The following ICE1 variants were observed in gnomAD, a reference collection of about 807,000 sequenced individuals.
ICE1 encodes little elongation complex subunit 1.
Under a neutral mutation model 192.7 loss-of-function variants are expected in ICE1, and 64 were observed. The ratio of observed to expected loss-of-function variants is 0.33; its 90% CI spans 0.27 to 0.41. The LOEUF (loss-of-function observed/expected upper bound fraction) is 0.41. Ranked by LOEUF, ICE1 falls within the 10% of genes least tolerant of loss-of-function variation. The pLI, the probability that ICE1 is intolerant of heterozygous loss-of-function variation, is 1.00. For synonymous variants in ICE1, 1,010 were observed against 984.5 expected, an observed-to-expected ratio of 1.03 and a Z score of -0.49; for missense variants, 2,708 against 2,696.0, an observed-to-expected ratio of 1.00 and a Z score of -0.10.
chr5:5,443,123 G>A, intron 5 of ICE1, 45 bp from the exon 6 acceptor site: 4 of 1,129,542 alleles, frequency 3.5e-6, no homozygotes, highest in Non-Finnish European at 5.1e-6. Flanking sequence ...CCAATGGTCA[G>A]TGACTTTCAT....
At chr5:5,452,220 G>T (rs181307077) in intron 10 of ICE1, among the ~76,000 whole-genome samples, 1 of 132,974 alleles carries the variant, frequency 7.5e-6, no homozygotes, top group Non-Finnish European at 1.5e-5. Flanking sequence ...CAGAATAAAT[G>T]CAGAAGAGTA....
Position 5,464,888 on chromosome 5 carries a change from A to G in ICE1, c.5554A>G (p.Thr1852Ala), listed in dbSNP as rs1738936363. The G allele has an allele frequency of 5.0e-6, 8 of 1,613,302 alleles. 1 individual carries two copies. In the South Asian group the frequency reaches 7.7e-5, roughly 16 times the overall value. Residue 1852 changes from threonine to alanine, a missense_variant, in exon 13 of 19, where the codon ACT (threonine) becomes GCT (alanine). Coordinates refer to ENST00000296564, the MANE Select transcript of ICE1 (RefSeq NM_015325.3). The surrounding 1 kb of genome is among the most constrained non-coding windows in gnomAD (Gnocchi z 4.0). ...LRSAKRLRLD[T>A]GSPEPETRGV... is the part of the protein sequence containing the mutation. The stretch of plus-strand genomic sequence containing the variant: ...AAGTGCTAAAAGACTGCGCCTGGAC[A>G]CTGGGTCCCCAGAACCAGAAACCAG...
chr5:5,444,897 A>G (rs751693188), intron 7 of ICE1, among the ~76,000 whole-genome samples: 2 of 152,134 alleles, frequency 1.3e-5, no homozygotes, highest in African/African-American at 2.4e-5. Flanking sequence ...TCAGCTAATA[A>G]CCTTTCAGGA....
chr5:5,489,280 G>A lies in ICE1; in HGVS notation c.6751G>A (p.Val2251Ile). The change falls in exon 19 of 19, where the codon GTC becomes ATC. Residue 2251 changes from valine to isoleucine, a missense_variant. This residue lies in a region of ICE1 where 342 missense variants were observed against 419.3 expected (regional missense o/e 0.82). Coordinates refer to ENST00000296564, the MANE Select transcript of ICE1 (RefSeq NM_015325.3). The part of the protein sequence containing the change: ...EASKSVPSAI[V>I]SCLEEVSALS... ...CTCCAAAAGCGTTCCGTCTGCGATTGTCAGCTGCCTAGAGGAAGTCAGTGC... is the reference window on the plus strand; with the variant it reads ...CTCCAAAAGCGTTCCGTCTGCGATTATCAGCTGCCTAGAGGAAGTCAGTGC... 1 of 1,613,638 alleles carries A rather than the reference G, an allele frequency of 6.2e-7. No homozygotes were observed. Among genetic ancestry groups the A allele is most frequent in the Non-Finnish European group, 8.5e-7 (1 of 1,179,784 alleles).
chr5:5,478,507 G>C (rs997832742), intron 17 of ICE1, among the ~76,000 whole-genome samples: 3 of 152,170 alleles, frequency 2.0e-5, no homozygotes, highest in African/African-American at 7.2e-5. Context: ...AATCAATATC[G>C]TGAAAATAAC....
At position 5,447,475 on chromosome 5, in the gene ICE1, A is replaced by C; in HGVS notation, c.473A>C (p.Lys158Thr). Residue 158 changes from lysine (K) to threonine (T), a missense_variant, in exon 8 of 19, where the codon AAG becomes ACG. This residue lies in a region of ICE1 where 2,366 missense variants were observed against 2,276.6 expected (regional missense o/e 1.04). Coordinates refer to ENST00000296564, the MANE Select transcript of ICE1 (RefSeq NM_015325.3). ...GACTTCAAGCAACTGAGAAATGAAAAGAAAATACTTGAAAAGGAATTTAAG... is the reference window on the plus strand; with the variant it reads ...GACTTCAAGCAACTGAGAAATGAAACGAAAATACTTGAAAAGGAATTTAAG... Reference protein sequence around the residue: ...TQDFKQLRNEKKILEKEFKKT... With the variant: ...TQDFKQLRNETKILEKEFKKT... The C allele has an allele frequency of 6.4e-7, 1 of 1,552,802 alleles. No homozygotes were observed. Among genetic ancestry groups the C allele is most frequent in the South Asian group, 1.2e-5 (1 of 84,070 alleles).
intron 12 of ICE1, among the ~76,000 whole-genome samples, chr5:5,459,170 G>A (rs1738680743): frequency 6.6e-6 from 1 of 152,180 alleles, no homozygotes; most frequent in African/African-American, 2.4e-5. Context: ...ACCGCGCCTG[G>A]CCACAGCTCA....
intron 3 of ICE1, among the ~76,000 whole-genome samples, chr5:5,439,301 A>G (rs957881373): frequency 1.3e-5 from 2 of 152,182 alleles, no homozygotes; most frequent in African/African-American, 4.8e-5. Flanking sequence ...TACATGTCCT[A>G]TATTGTGATA....
At chr5:5,481,078 C>A (rs1220445601) in intron 17 of ICE1, among the ~76,000 whole-genome samples, 3 of 152,108 alleles carry the variant, frequency 2.0e-5, no homozygotes, top group Admixed American at 6.5e-5. Context: ...ATCTATATAT[C>A]TGGAAATGCT....
chr5:5,457,539 A>C lies in ICE1; in HGVS notation c.899A>C (p.Glu300Ala). 1 of 1,613,984 alleles carries C rather than the reference A, an allele frequency of 6.2e-7. No individual in the cohort carries two copies. The highest frequency in any genetic ancestry group is 8.5e-7 in the Non-Finnish European group (1 of 1,179,852). The change falls in exon 12 of 19, where the codon GAG (glutamate) becomes GCG (alanine). Residue 300 changes from glutamate (E) to alanine (A), a missense_variant. By Grantham distance (107) the Glu-to-Ala change is moderately radical. This residue lies in a region of ICE1 where 2,366 missense variants were observed against 2,276.6 expected (regional missense o/e 1.04). Coordinates refer to ENST00000296564, the MANE Select transcript of ICE1 (RefSeq NM_015325.3). ...TGTAGTTCTGACCATGTTTTTAATGAGAATGGAAATCTTGAGGTTTTAGTA... is the reference window on the plus strand; with the variant it reads ...TGTAGTTCTGACCATGTTTTTAATGCGAATGGAAATCTTGAGGTTTTAGTA... ...TNCSSDHVFN[E>A]NGNLEVLVQS...
intron 11 of ICE1, 89 bp from the exon 12 acceptor site, chr5:5,457,243 G>GT: frequency 7.8e-7 from 1 of 1,278,622 alleles, no homozygotes; most frequent in Middle Eastern, 2.7e-4. Flanking sequence ...ATTTTGAACT[G>GT]TTGTAATAAG....
rs537118893 is a variant in ICE1, at chr5:5,482,954, A to T, written c.6521-3767A>T. 3.9e-5 allele frequency among the ~76,000 whole-genome samples: 6 copies of T among 152,270 alleles called. No homozygotes were observed. The South Asian group carries it at 1.2e-3, about 32-fold the overall frequency. ...ATTTAATAATAATAACTTAAGTCAC[A>T]CACTAATCTTCATAAAATAAAGGAA... On this transcript the variant is annotated intron_variant, in intron 17 of 18. Transcript: ENST00000296564.
At chr5:5,468,368 T>C (rs1355134048) in intron 14 of ICE1, among the ~76,000 whole-genome samples, 3 of 152,200 alleles carry the variant, frequency 2.0e-5, no homozygotes, top group Non-Finnish European at 4.4e-5. Flanking sequence ...CTTTATACTT[T>C]AAAAGAGTTT....
chr5:5,461,650 A>G lies in ICE1; in HGVS notation c.2316A>G (p.Ile772Met), dbSNP rs773167070. The G allele has an allele frequency of 3.1e-6, 5 of 1,613,776 alleles. No homozygotes were observed. The South Asian group carries it at 5.5e-5, about 18-fold the overall frequency. Reference sequence around the variant, plus strand: ...ATAAGCCAGATTTCACATCATTAATAGGTTCTCAGGCTGCCTTGATCAAGA... The same window carrying G: ...ATAAGCCAGATTTCACATCATTAATGGGTTCTCAGGCTGCCTTGATCAAGA... ...TLNKPDFTSL[I>M]GSQAALIKSG... Residue 772 changes from isoleucine (I) to methionine (M), a missense_variant, in exon 13 of 19, where the codon ATA becomes ATG. This residue lies in a region of ICE1 where 2,366 missense variants were observed against 2,276.6 expected (regional missense o/e 1.04). Transcript: ENST00000296564.
chr5:5,454,599 A>G lies in ICE1; in HGVS notation c.652A>G (p.Thr218Ala). The G allele has an allele frequency of 6.2e-7, 1 of 1,613,642 alleles. No individual in the cohort carries two copies. The highest frequency in any genetic ancestry group is 8.5e-7 in the Non-Finnish European group (1 of 1,179,678). Residue 218 changes from threonine to alanine, a missense_variant, in exon 11 of 19, where the codon ACA becomes GCA. Thr to Ala is a moderately conservative substitution (Grantham distance 58, BLOSUM62 0). Around this residue, in one of 2 missense-constraint regions of ICE1, gnomAD observed 2,366 missense variants for 2,276.6 expected, o/e 1.04. Transcript: ENST00000296564. ...LKELWLCVNT[T>A]HRLPGEGSRC... ...GGAACTCTGGCTCTGTGTAAACACAACACACAGACTACCTGGTGAAGGCAG... is the reference window on the plus strand; with the variant it reads ...GGAACTCTGGCTCTGTGTAAACACAGCACACAGACTACCTGGTGAAGGCAG...
At chr5:5,467,028 A>G (rs2111389857) in intron 14 of ICE1, among the ~76,000 whole-genome samples, 1 of 152,312 alleles carries the variant, frequency 6.6e-6, no homozygotes, top group South Asian at 2.1e-4. Flanking sequence ...TTTTTAAATC[A>G]TATGATATAC....
chr5:5,476,138 G>GC, intron 17 of ICE1, 59 bp downstream of exon 17: 4 of 812,864 alleles, frequency 4.9e-6, no homozygotes, highest in Non-Finnish European at 5.1e-6. Flanking sequence ...GTGGAAGGCT[G>GC]GGGGGTTAAC....
At chr5:5,426,158 T>G (rs1737511131) in intron 1 of ICE1, among the ~76,000 whole-genome samples, 1 of 152,174 alleles carries the variant, frequency 6.6e-6, no homozygotes, top group African/African-American at 2.4e-5. Flanking sequence ...GTGTAAGAAT[T>G]TTATCTGGGC....
intron 1 of ICE1, among the ~76,000 whole-genome samples, chr5:5,435,364 T>C (rs1392626893): frequency 1.3e-5 from 2 of 152,202 alleles, no homozygotes; most frequent in African/African-American, 2.4e-5. Flanking sequence ...ACTATCAAAA[T>C]CATTTGGATT....
Sources: allele counts gnomAD v4.1 joint callset (sites outside exome capture counted in the v4.1 genomes callset), GRCh38; gene constraint gnomAD v4.1.1; regional missense constraint gnomAD v4.1.1; non-coding constraint Gnocchi (gnomAD v3.1); transcripts MANE v1.5; gene names NCBI Gene and HGNC (gene_info 2026-07-23, HGNC 2026-07-21).